Variants in TAF3 observed in about 807,000 individuals in gnomAD.
TAF3 encodes TATA-box binding protein associated factor 3.
In TAF3, 7 loss-of-function variants were observed where a neutral mutation model predicts 80.6. The ratio of observed to expected loss-of-function variants is 0.09; its 90% CI spans 0.05 to 0.16. The LOEUF is 0.16. Ranked by LOEUF, TAF3 falls within the 10% of genes least tolerant of loss-of-function variation. TAF3 has a pLI of 1.00. For missense variants in TAF3, 921 were observed against 1,140.2 expected (o/e 0.81, Z 2.77); for synonymous variants, 444 against 446.1 (o/e 1.00, Z 0.06).
intron 2 of TAF3, among the ~76,000 whole-genome samples, chr10:7,907,355 G>A (rs1343219659): frequency 6.6e-6 from 1 of 152,108 alleles, no homozygotes; most frequent in African/African-American, 2.4e-5. Context: ...ATCCTTGCTG[G>A]CAGATGAGAT....
intron 2 of TAF3, among the ~76,000 whole-genome samples, chr10:7,852,462 T>A (rs1837037579): frequency 6.6e-6 from 1 of 152,234 alleles, no homozygotes; most frequent in African/African-American, 2.4e-5. Context: ...TTGCAGAAAC[T>A]GCGTTGTTTG....
At chr10:7,852,967 A>G (rs1363222597) in intron 2 of TAF3, among the ~76,000 whole-genome samples, 4 of 152,234 alleles carry the variant, frequency 2.6e-5, no homozygotes, top group Non-Finnish European at 4.4e-5. Context: ...AAGTATCATT[A>G]TGATCTCATG....
chr10:7,909,377 C>G (rs148276118), intron 2 of TAF3, among the ~76,000 whole-genome samples: 1 of 152,290 alleles, frequency 6.6e-6, no homozygotes, highest in African/African-American at 2.4e-5. Flanking sequence ...TATTCACTAC[C>G]TCAGCACTTG....
chr10:7,919,386 G>A (rs569197934), intron 2 of TAF3, among the ~76,000 whole-genome samples: 1 of 152,210 alleles, frequency 6.6e-6, no homozygotes, highest in East Asian at 1.9e-4. Context: ...AATCTTGCAG[G>A]GTGTACTGTC....
chr10:7,935,401 T>C (rs2131200928), intron 2 of TAF3, among the ~76,000 whole-genome samples: 1 of 151,960 alleles, frequency 6.6e-6, no homozygotes, highest in East Asian at 1.9e-4. Flanking sequence ...ATCGAGACCA[T>C]GGTGAAACCC....
intron 3 of TAF3, among the ~76,000 whole-genome samples, chr10:7,968,237 A>G (rs74123826): frequency 9.1e-4 from 139 of 152,296 alleles, no homozygotes; most frequent in African/African-American, 3.0e-3. Context: ...GTTTTCAGCC[A>G]AAAGAATGAA....
chr10:7,893,826 A>G (rs545704056), intron 2 of TAF3, among the ~76,000 whole-genome samples: 4 of 152,122 alleles, frequency 2.6e-5, no homozygotes, highest in Admixed American at 1.3e-4. Flanking sequence ...TCCTTCTTAC[A>G]TAAATTGATC....
chr10:7,917,886 ATGGT>A (rs1217334769), intron 2 of TAF3, among the ~76,000 whole-genome samples: 3 of 152,214 alleles, frequency 2.0e-5, no homozygotes, highest in Non-Finnish European at 4.4e-5. Flanking sequence ...ATTTGAGTGT[ATGGT>A]TGGGGCAAAA....
At chr10:7,975,117 A>T in intron 3 of TAF3, 1 of 296,886 alleles carries the variant, frequency 3.4e-6, no homozygotes, top group South Asian at 3.0e-5. Context: ...TAATTCGTGG[A>T]ACAGAAAGAC....
chr10:7,978,606 C>A (rs1831695232), intron 4 of TAF3, among the ~76,000 whole-genome samples: 1 of 152,082 alleles, frequency 6.6e-6, no homozygotes. Flanking sequence ...TACCTAATGC[C>A]CCTATCTTAC....
intron 2 of TAF3, among the ~76,000 whole-genome samples, chr10:7,860,370 G>C (rs978632050): frequency 5.3e-5 from 8 of 152,030 alleles, no homozygotes; most frequent in African/African-American, 1.9e-4. Context: ...TATGATAGGA[G>C]CATATGATCT....
intron 2 of TAF3, among the ~76,000 whole-genome samples, chr10:7,903,149 A>G (rs1244315780): frequency 6.6e-6 from 1 of 152,140 alleles, no homozygotes; most frequent in Non-Finnish European, 1.5e-5. Context: ...GAGCCTAGAA[A>G]GTCGAGGCTG....
intron 2 of TAF3, among the ~76,000 whole-genome samples, chr10:7,855,406 AG>A (rs1417742451): frequency 3.9e-5 from 6 of 152,220 alleles, no homozygotes; most frequent in Admixed American, 1.3e-4. Context: ...CCTGAAAACA[AG>A]GGGGAATTCA....
At chr10:7,870,806 C>G (rs934002266) in intron 2 of TAF3, among the ~76,000 whole-genome samples, 3 of 152,072 alleles carry the variant, frequency 2.0e-5, no homozygotes, top group Non-Finnish European at 4.4e-5. Flanking sequence ...GTTCTTGATC[C>G]CTTCTTCTGC....
intron 2 of TAF3, among the ~76,000 whole-genome samples, chr10:7,842,176 G>GTT (rs1167047923): frequency 3.4e-4 from 21 of 62,136 alleles, no homozygotes; most frequent in Non-Finnish European, 3.9e-4. Flanking sequence ...TTTTTTTTTT[G>GTT]TTTTTTTTTT....
At chr10:8,000,011 C>T (rs1831927953) in intron 4 of TAF3, among the ~76,000 whole-genome samples, 1 of 152,222 alleles carries the variant, frequency 6.6e-6, no homozygotes, top group Non-Finnish European at 1.5e-5. Flanking sequence ...TAAAGTGTAA[C>T]ATACACACAG....
intron 2 of TAF3, among the ~76,000 whole-genome samples, chr10:7,961,018 A>C (rs1838184309): frequency 6.6e-6 from 1 of 152,220 alleles, no homozygotes; most frequent in Admixed American, 6.5e-5. Flanking sequence ...CCACAAGCTC[A>C]GATTTGCGTG....
At chr10:7,889,050 A>T (rs892004866) in intron 2 of TAF3, among the ~76,000 whole-genome samples, 5 of 152,104 alleles carry the variant, frequency 3.3e-5, no homozygotes, top group Non-Finnish European at 7.4e-5. Context: ...TTTTATTAAC[A>T]TCTCCAGTTC....
intron 2 of TAF3, among the ~76,000 whole-genome samples, chr10:7,837,772 G>A (rs946925913): frequency 1.3e-5 from 2 of 152,096 alleles, no homozygotes; most frequent in African/African-American, 4.8e-5. Context: ...TGAGGCTGCA[G>A]TGAGCCACTG....
Sources: gnomAD v4.1 joint callset for allele counts (sites outside exome capture counted in the v4.1 genomes callset) on GRCh38, gnomAD v4.1.1 for gene constraint, MANE v1.5 for transcripts, NCBI Gene and HGNC (gene_info 2026-07-23, HGNC 2026-07-21) for gene names.